NCOA1: variants seen among roughly 807,000 people sequenced by gnomAD.
The protein encoded by NCOA1 is nuclear receptor coactivator 1.
In NCOA1, 35 loss-of-function variants were observed where a neutral mutation model predicts 150.9. The observed-to-expected ratio is 0.23, with a 90% CI of 0.18 to 0.31. The LOEUF is 0.31. Ranked by LOEUF, NCOA1 falls within the 10% of genes least tolerant of loss-of-function variation. The pLI is 1.00. For missense variants in NCOA1, 1,491 were observed against 1,749.3 expected (o/e 0.85, Z 2.63); for synonymous variants, 590 against 630.0 (o/e 0.94, Z 0.95).
chr2:24,629,487 T>G (rs1180803095), intron 3 of NCOA1, among the ~76,000 whole-genome samples: 1 of 151,010 alleles, frequency 6.6e-6, no homozygotes, highest in Non-Finnish European at 1.5e-5. Context: ...GGGTTTTTTT[T>G]TTTTTTTTTT....
chr2:24,500,133 A>G (rs1449651596), intron 1 of NCOA1, among the ~76,000 whole-genome samples: 1 of 151,444 alleles, frequency 6.6e-6, no homozygotes, highest in Non-Finnish European at 1.5e-5. Context: ...TTTGAGAAGG[A>G]GTTTCGCTCT....
intron 3 of NCOA1, among the ~76,000 whole-genome samples, chr2:24,640,185 C>CT (rs1670144650): frequency 6.6e-6 from 1 of 151,692 alleles, no homozygotes; most frequent in African/African-American, 2.4e-5. Flanking sequence ...AGAACATACC[C>CT]TTTAAGATTT....
intron 3 of NCOA1, among the ~76,000 whole-genome samples, chr2:24,604,719 C>G (rs1668279142): frequency 6.6e-6 from 1 of 152,164 alleles, no homozygotes; most frequent in Non-Finnish European, 1.5e-5. Flanking sequence ...TCAAACTTTA[C>G]CCATATGAGC....
intron 14 of NCOA1, among the ~76,000 whole-genome samples, chr2:24,722,989 C>CAAAA (rs5829932): frequency 6.1e-4 from 55 of 89,740 alleles, no homozygotes; most frequent in East Asian, 1.2e-3. Flanking sequence ...ACCCTGTCTC[C>CAAAA]AAAAAAAAAA....
At chr2:24,510,044 G>A (rs1019493238) in intron 1 of NCOA1, among the ~76,000 whole-genome samples, 2 of 152,206 alleles carry the variant, frequency 1.3e-5, no homozygotes, top group African/African-American at 4.8e-5. Context: ...CTGGGGCAGA[G>A]TGTAGGACTG....
chr2:24,684,197 C>G (rs1055040053), intron 8 of NCOA1, among the ~76,000 whole-genome samples: 1 of 152,124 alleles, frequency 6.6e-6, no homozygotes, highest in Non-Finnish European at 1.5e-5. Context: ...CTCTACTGTT[C>G]ACAAATTTTG....
chr2:24,749,490 A>G (rs138367257), intron 19 of NCOA1, among the ~76,000 whole-genome samples: 2 of 152,370 alleles, frequency 1.3e-5, no homozygotes, highest in Middle Eastern at 3.4e-3. Context: ...AGAGGGAACC[A>G]TCTTCAAAGT....
intron 3 of NCOA1, among the ~76,000 whole-genome samples, chr2:24,591,280 C>T (rs1473700718): frequency 2.8e-4 from 43 of 152,080 alleles, no homozygotes; most frequent in Non-Finnish European, 1.5e-5. Context: ...ATAATAATGT[C>T]AACTGGACAT....
intron 3 of NCOA1, among the ~76,000 whole-genome samples, chr2:24,620,698 GT>G (rs1243900776): frequency 1.3e-5 from 2 of 151,534 alleles, no homozygotes; most frequent in Admixed American, 6.6e-5. Context: ...TTTGTTGTAT[GT>G]TTTTAAAGTG....
chr2:24,512,170 A>G (rs1229979351), intron 1 of NCOA1, among the ~76,000 whole-genome samples: 1 of 152,226 alleles, frequency 6.6e-6, no homozygotes, highest in African/African-American at 2.4e-5. Flanking sequence ...CTGTGACAGA[A>G]GAGCTTTCAA....
intron 2 of NCOA1, chr2:24,564,806 T>A (rs1417138406): frequency 6.6e-6 from 1 of 152,188 alleles, no homozygotes; most frequent in Non-Finnish European, 1.5e-5. Context: ...AAATTAAGTG[T>A]AGATTAAGTC....
At chr2:24,510,565 A>G (rs1489789091) in intron 1 of NCOA1, among the ~76,000 whole-genome samples, 1 of 150,604 alleles carries the variant, frequency 6.6e-6, no homozygotes, top group East Asian at 2.0e-4. Context: ...CTGGTTTTGA[A>G]CTCCTGGCTT....
At chr2:24,644,717 T>A (rs1670384970) in intron 4 of NCOA1, among the ~76,000 whole-genome samples, 1 of 152,076 alleles carries the variant, frequency 6.6e-6, no homozygotes, top group South Asian at 2.1e-4. Context: ...TGAAGAGTGA[T>A]CAGAAACTGA....
At chr2:24,763,616 C>CTTT (rs1179539444) in intron 22 of NCOA1, among the ~76,000 whole-genome samples, 336 of 85,274 alleles carry the variant, frequency 3.9e-3, no homozygotes, top group Non-Finnish European at 5.2e-3. Context: ...GTCTCTCTCT[C>CTTT]TTTTTTTTTT....
rs1368767287 is a variant in NCOA1 at position 24,741,983 on chromosome 2, C to T, written c.3503C>T (p.Pro1168Leu). The T allele has an allele frequency of 1.9e-6, 3 of 1,614,094 alleles. No individual in the cohort carries two copies. The highest frequency in any genetic ancestry group is 2.7e-5 in the African/African-American group (2 of 74,922). Residue 1168 changes from proline (P) to leucine (L), a missense_variant, in exon 19 of 23, where the codon CCC (proline) becomes CTC (leucine). Around this residue, in one of 8 missense-constraint regions of NCOA1, gnomAD observed 485 missense variants for 522.8 expected, o/e 0.93. Transcript: ENST00000348332. ...RLPQGAPQQF[P>L]YPPNYGTNPG... ...CCTCAGGGTGCTCCACAGCAATTCC[C>T]CTATCCACCAAACTATGGTACAAAT...
chr2:24,498,023 AATGT>A (rs1183794981), intron 1 of NCOA1, among the ~76,000 whole-genome samples: 2 of 152,218 alleles, frequency 1.3e-5, no homozygotes, highest in Non-Finnish European at 2.9e-5. Context: ...TTCTATTGTG[AATGT>A]ATGTATGTAT....
chr2:24,497,396 G>A (rs1663269368), intron 1 of NCOA1, among the ~76,000 whole-genome samples: 1 of 151,992 alleles, frequency 6.6e-6, no homozygotes, highest in African/African-American at 2.4e-5. Flanking sequence ...GATTCTTGTG[G>A]GCTGGGCGTG....
chr2:24,742,326 T>G lies in NCOA1; in HGVS notation c.3706+140T>G. ...GACGTGGGAGTCTGGAGACCCAGGA[T>G]TCAGACTCAGCTTTTGACACTAAAT... On this transcript the variant is annotated intron_variant, in intron 19 of 22. Coordinates refer to ENST00000348332, the MANE Select transcript of NCOA1 (RefSeq NM_003743.5). 3.0e-6 allele frequency: 3 copies of G among 995,764 alleles called. No individual in the cohort carries two copies. In the African/African-American group the frequency reaches 4.9e-5, roughly 16 times the overall value. 61.7% of individuals were successfully genotyped at this position (995,764 alleles called of 1,614,324 possible). A position where few individuals can be genotyped will look rare whatever the true frequency, so the allele number is the denominator to read the frequency against.
chr2:24,737,776 T>G (rs1663398806), intron 17 of NCOA1, among the ~76,000 whole-genome samples: 1 of 152,210 alleles, frequency 6.6e-6, no homozygotes, highest in Non-Finnish European at 1.5e-5. Flanking sequence ...TTTACTGTTG[T>G]GCGTTGGCTT....
Sources: gnomAD v4.1 joint callset for allele counts (sites outside exome capture counted in the v4.1 genomes callset) on GRCh38, gnomAD v4.1.1 for gene constraint, gnomAD v4.1.1 regional missense constraint, MANE v1.5 for transcripts, NCBI Gene and HGNC (gene_info 2026-07-23, HGNC 2026-07-21) for gene names.